Variants in CATSPERB observed in about 807,000 individuals in gnomAD.
The protein encoded by CATSPERB is cation channel sperm-associated auxiliary subunit beta.
In CATSPERB, 93 loss-of-function variants were observed where a neutral mutation model predicts 128.3. The ratio of observed to expected loss-of-function variants is 0.72; its 90% CI spans 0.61 to 0.86. The LOEUF is 0.86. Among genes scored for constraint, CATSPERB ranks in the 40% least tolerant of loss-of-function variants. The probability of loss-of-function intolerance (pLI) is 0.00; values close to 1 mark genes in which losing one functional copy is unlikely to be tolerated. For synonymous variants in CATSPERB, 381 were observed against 448.8 expected (o/e 0.85, Z 1.91); for missense variants, 1,153 against 1,329.5 (o/e 0.87, Z 2.06).
intron 3 of CATSPERB, 88 bp downstream of exon 3, chr14:91,724,992 A>G: frequency 1.9e-6 from 1 of 523,366 alleles, no homozygotes; most frequent in Non-Finnish European, 3.2e-6. Flanking sequence ...AGTAGAGGGT[A>G]TTTGGAAAGA....
chr14:91,660,112 T>TCACA (rs1393045219), intron 14 of CATSPERB, 131 bp from the exon 15 acceptor site: 6 of 582,626 alleles, frequency 1.0e-5, no homozygotes, highest in South Asian at 6.9e-5. Flanking sequence ...TCTCTCTCTC[T>TCACA]CTCTCACACA....
chr14:91,645,793 G>A (rs1411112225), intron 15 of CATSPERB, among the ~76,000 whole-genome samples: 2 of 148,100 alleles, frequency 1.4e-5, no homozygotes, highest in Middle Eastern at 3.6e-3. Flanking sequence ...AATGGTGGGC[G>A]CCCCTCCCCC....
rs376604138 is a variant in CATSPERB, at chr14:91,626,687, C to T, written c.1743-1680G>A. Among the ~76,000 whole-genome samples, 81 of 152,212 alleles carry T rather than the reference C, an allele frequency of 5.3e-4. No individual in the cohort carries two copies. The South Asian group carries it at 0.011, about 21-fold the overall frequency. ...ACCATGGGATGACGGAGCATGAGGC[C>T]CTCACCAGATGTGGGCCCCCCAGTC... On this transcript the variant is annotated intron_variant, in intron 17 of 26. Transcript: ENST00000256343.
intron 11 of CATSPERB, among the ~76,000 whole-genome samples, chr14:91,674,466 A>G (rs1285654): frequency 0.95 from 144,439 of 152,300 alleles, 68,537 homozygotes; most frequent in African/African-American, 0.98. Context: ...AATGTTTTTT[A>G]TTTTAGGCCA....
chr14:91,665,998 TTC>T (rs2029890247), intron 14 of CATSPERB, among the ~76,000 whole-genome samples: 1 of 152,156 alleles, frequency 6.6e-6, no homozygotes, highest in Non-Finnish European at 1.5e-5. Context: ...TGGGGGCGAT[TTC>T]CCCATGCTGT....
intron 13 of CATSPERB, among the ~76,000 whole-genome samples, chr14:91,671,231 G>A (rs1186453600): frequency 6.6e-6 from 1 of 152,070 alleles, no homozygotes; most frequent in Non-Finnish European, 1.5e-5. Context: ...ACCCCTGAAG[G>A]AGAAGGAAAG....
In CATSPERB at chr14:91,669,019, A is replaced by G. The variant is rs138936336; in HGVS notation, c.1287+795T>C. On this transcript the variant is annotated intron_variant, in intron 14 of 26. Coordinates refer to ENST00000256343, the MANE Select transcript of CATSPERB (RefSeq NM_024764.4). ...GCCTTCCCAGCCAGGCAGAACTGTG[A>G]GTCAATTAAACCTCTTTTCTTTATA... Among the ~76,000 whole-genome samples the G allele has an allele frequency of 8.9e-3, 1,361 of 152,338 alleles. 16 individuals carry two copies. Among genetic ancestry groups the G allele is most frequent in the Middle Eastern group, 0.044 (13 of 294 alleles).
intron 4 of CATSPERB, among the ~76,000 whole-genome samples, chr14:91,722,782 AG>A (rs1191825777): frequency 4.6e-5 from 7 of 152,206 alleles, no homozygotes; most frequent in Non-Finnish European, 1.5e-5. Flanking sequence ...AATTGACATC[AG>A]ATGGCAACTT....
At chr14:91,674,948 G>A (rs1201910268) in intron 11 of CATSPERB, among the ~76,000 whole-genome samples, 1 of 152,172 alleles carries the variant, frequency 6.6e-6, no homozygotes, top group Non-Finnish European at 1.5e-5. Flanking sequence ...CCAGCCTAAA[G>A]TTTGGAATGG....
At chr14:91,690,453 T>C (rs1307531689) in intron 10 of CATSPERB, among the ~76,000 whole-genome samples, 6 of 152,332 alleles carry the variant, frequency 3.9e-5, no homozygotes, top group Middle Eastern at 3.4e-3. Flanking sequence ...TTTTCCTCAC[T>C]GTTTCTGGCA....
chr14:91,589,899 T>C (rs963566612), intron 23 of CATSPERB, among the ~76,000 whole-genome samples: 9 of 152,200 alleles, frequency 5.9e-5, no homozygotes, highest in Non-Finnish European at 1.3e-4. Context: ...CTATAGGCCC[T>C]TTTCACAGGA....
intron 13 of CATSPERB, among the ~76,000 whole-genome samples, chr14:91,671,003 C>CA (rs756173338): frequency 1.3e-5 from 2 of 151,534 alleles, no homozygotes; most frequent in Admixed American, 1.3e-4. Flanking sequence ...TGTCTCAAAA[C>CA]AAAAAAATGC....
chr14:91,651,202 G>A (rs974682740), intron 15 of CATSPERB, among the ~76,000 whole-genome samples: 5 of 152,202 alleles, frequency 3.3e-5, no homozygotes, highest in Non-Finnish European at 7.3e-5. Context: ...AGGAGAAGGA[G>A]ACAGAAGTTA....
intron 5 of CATSPERB, among the ~76,000 whole-genome samples, chr14:91,716,126 T>C (rs979313423): frequency 1.3e-5 from 2 of 152,164 alleles, no homozygotes; most frequent in African/African-American, 2.4e-5. Flanking sequence ...TCTTAAGAGA[T>C]GAAAAGACAA....
At chr14:91,633,016 C>T (rs1239355499) in intron 17 of CATSPERB, among the ~76,000 whole-genome samples, 1 of 152,126 alleles carries the variant, frequency 6.6e-6, no homozygotes, top group Non-Finnish European at 1.5e-5. Flanking sequence ...CCTTATCTTC[C>T]TAGCCACTTC....
At chr14:91,607,050 A>C (rs1270612452) in intron 22 of CATSPERB, among the ~76,000 whole-genome samples, 1 of 115,288 alleles carries the variant, frequency 8.7e-6, no homozygotes, top group Non-Finnish European at 1.6e-5. Context: ...ATTTCACAAG[A>C]AGTCTGTTCA....
chr14:91,624,843 T>C lies in CATSPERB; in HGVS notation c.1907A>G (p.Tyr636Cys), dbSNP rs747169373. 3.7e-6 allele frequency: 6 copies of C among 1,605,812 alleles called. No homozygotes were observed. The highest frequency in any genetic ancestry group is 2.2e-5 in the East Asian group (1 of 44,772). Residue 636 changes from tyrosine to cysteine, a missense_variant, in exon 18 of 27, where the codon TAT (tyrosine) becomes TGT (cysteine). Tyr to Cys is a radical substitution (Grantham distance 194). Transcript: ENST00000256343. ...SLLINKAGNV[Y>C]KLTLDSQVVQ... is the part of the protein sequence containing the mutation. Reference sequence around the variant, plus strand: ...ACCTTGTGAATCAAGAGTGAGTTTATAGACATTTCCAGCTTTATTAATCAA... The same window carrying C: ...ACCTTGTGAATCAAGAGTGAGTTTACAGACATTTCCAGCTTTATTAATCAA...
chr14:91,702,230 G>A (rs2139852988), intron 7 of CATSPERB, among the ~76,000 whole-genome samples: 1 of 151,960 alleles, frequency 6.6e-6, no homozygotes. Flanking sequence ...GGAGGAGGAG[G>A]TCCTGGCTAG....
At chr14:91,616,146 G>A (rs1478109265) in intron 20 of CATSPERB, among the ~76,000 whole-genome samples, 4 of 152,156 alleles carry the variant, frequency 2.6e-5, no homozygotes, top group Non-Finnish European at 5.9e-5. Flanking sequence ...CTCCCAAAGT[G>A]CTGGGATTGC....
Sources: allele counts gnomAD v4.1 joint callset (sites outside exome capture counted in the v4.1 genomes callset), GRCh38; gene constraint gnomAD v4.1.1; transcripts MANE v1.5; gene names NCBI Gene and HGNC (gene_info 2026-07-23, HGNC 2026-07-21).